FAM135A: variants seen among roughly 807,000 people sequenced by gnomAD.
FAM135A encodes family with sequence similarity 135 member A, also known as protein FAM135A.
Under a neutral mutation model 146.8 loss-of-function variants are expected in FAM135A, and 79 were observed. That is an observed-to-expected ratio of 0.54 (90% confidence interval 0.45 to 0.65). FAM135A has a LOEUF of 0.65. Ranked by LOEUF, FAM135A falls within the 30% of genes least tolerant of loss-of-function variation. The pLI is 0.00. For missense variants in FAM135A, 1,623 were observed against 1,758.2 expected (o/e 0.92, Z 1.38); for synonymous variants, 562 against 603.6 (o/e 0.93, Z 1.01).
chr6:70,453,645 A>G (rs900020457), intron 5 of FAM135A, among the ~76,000 whole-genome samples: 1 of 149,754 alleles, frequency 6.7e-6, no homozygotes, highest in African/African-American at 2.5e-5. Context: ...GTTCCCACCT[A>G]TGAGTGAGAA....
chr6:70,471,340 G>A (rs1781574383), intron 5 of FAM135A, among the ~76,000 whole-genome samples: 2 of 152,166 alleles, frequency 1.3e-5, no homozygotes, highest in African/African-American at 2.4e-5. Flanking sequence ...TAATGAAAAG[G>A]AGTAGGGTTC....
In FAM135A at chr6:70,460,848, CT is replaced by C. The variant is rs780821553; in HGVS notation, c.157+8293del. On this transcript the variant is annotated intron_variant, in intron 5 of 21. Coordinates refer to ENST00000418814, the MANE Select transcript of FAM135A (RefSeq NM_001162529.3). The stretch of plus-strand genomic sequence containing the variant: ...TTTACCTAGATAGATAGATAGCTAT[CT>C]TTTTTTTTTTTTTTTAAGTAGACTC... Among the ~76,000 whole-genome samples the C allele has an allele frequency of 7.3e-3, 979 of 134,682 alleles. 4 individuals are homozygous for C. The highest frequency in any genetic ancestry group is 0.017 in the African/African-American group (602 of 35,098). The allele number at this position is 134,682 out of a possible 152,430, so 88.4% of individuals were successfully genotyped here.
At chr6:70,526,841 G>A (rs1444944842) in intron 15 of FAM135A, 143 bp downstream of exon 15, 12 of 798,464 alleles carry the variant, frequency 1.5e-5, no homozygotes, top group Non-Finnish European at 2.0e-5. Context: ...AAAGGATTGA[G>A]TGTCTATTTT....
chr6:70,457,682 A>G (rs1778628908), intron 5 of FAM135A, among the ~76,000 whole-genome samples: 1 of 152,180 alleles, frequency 6.6e-6, no homozygotes, highest in South Asian at 2.1e-4. Flanking sequence ...CATCAACTAA[A>G]TACTGGTTGG....
intron 4 of FAM135A, among the ~76,000 whole-genome samples, chr6:70,441,532 C>G (rs1038978474): frequency 6.6e-6 from 1 of 152,132 alleles, no homozygotes; most frequent in Non-Finnish European, 1.5e-5. Context: ...GTGTTGCAGA[C>G]TCTTGTACAT....
At chr6:70,428,267 T>G in intron 3 of FAM135A, 37 bp from the exon 4 acceptor site, 1 of 1,014,164 alleles carries the variant, frequency 9.9e-7, no homozygotes, top group Non-Finnish European at 1.4e-6. Flanking sequence ...GCATTTTTGT[T>G]ACGCTTCTCA....
At chr6:70,472,602 G>A (rs1320407810) in intron 5 of FAM135A, among the ~76,000 whole-genome samples, 1 of 152,124 alleles carries the variant, frequency 6.6e-6, no homozygotes, top group African/African-American at 2.4e-5. Context: ...GGTTTTGCTG[G>A]TTGTTCCAGT....
intron 2 of FAM135A, among the ~76,000 whole-genome samples, chr6:70,419,982 G>C (rs190436959): frequency 6.6e-6 from 1 of 151,984 alleles, no homozygotes; most frequent in East Asian, 1.9e-4. Flanking sequence ...TTTTTAATTC[G>C]GTCTGTAGGC....
intron 11 of FAM135A, 120 bp from the exon 12 acceptor site, chr6:70,502,516 G>A: frequency 1.0e-6 from 1 of 965,152 alleles, no homozygotes; most frequent in Non-Finnish European, 1.5e-6. Context: ...ACATACAAAT[G>A]CACATCTCTT....
At chr6:70,497,220 C>T (rs1424125878) in intron 11 of FAM135A, among the ~76,000 whole-genome samples, 1 of 152,126 alleles carries the variant, frequency 6.6e-6, no homozygotes, top group Non-Finnish European at 1.5e-5. Flanking sequence ...CTTCACATCC[C>T]TTGCAATTTG....
intron 15 of FAM135A, among the ~76,000 whole-genome samples, chr6:70,527,184 C>A (rs914082209): frequency 5.3e-5 from 8 of 151,990 alleles, no homozygotes; most frequent in Non-Finnish European, 8.8e-5. Context: ...CTTGAACTTA[C>A]CAGATGCTGA....
rs1196737834 is a variant in FAM135A, at chr6:70,561,113, G to A, written c.*1192G>A. On this transcript the variant is annotated 3_prime_UTR_variant, in exon 22 of 22. Transcript: ENST00000418814. ...TACAATTGATGCATGTTTATTTTTAGCGTTGTTATTGCCTCTGGTGTTAAT... is the reference window on the plus strand; with the variant it reads ...TACAATTGATGCATGTTTATTTTTAACGTTGTTATTGCCTCTGGTGTTAAT... 6.6e-6 allele frequency: 1 copy of A among 152,406 alleles called. No homozygotes were observed. The highest frequency in any genetic ancestry group is 1.5e-5 in the Non-Finnish European group (1 of 67,952). 9.4% of individuals were successfully genotyped at this position (152,406 alleles called of 1,614,324 possible).
intron 4 of FAM135A, among the ~76,000 whole-genome samples, chr6:70,432,303 T>A (rs899251119): frequency 1.3e-5 from 2 of 152,162 alleles, no homozygotes; most frequent in African/African-American, 4.8e-5. Context: ...CTCTTTCTCT[T>A]ATGACTACTT....
chr6:70,542,855 T>G (rs1798192929), intron 20 of FAM135A, among the ~76,000 whole-genome samples: 1 of 152,228 alleles, frequency 6.6e-6, no homozygotes, highest in Non-Finnish European at 1.5e-5. Flanking sequence ...TTGAAACACC[T>G]TAGGGTCATC....
rs1463197437 is a variant in FAM135A, at chr6:70,508,982, A to AG, written c.1029+6191_1029+6192insG. 7.6e-4 allele frequency among the ~76,000 whole-genome samples: 116 copies of AG among 152,208 alleles called. 1 individual carries two copies. The highest frequency in any genetic ancestry group is 7.3e-5 in the Non-Finnish European group (5 of 68,038). ...AAATTTTAAGCTTATTCTTGTGTGG[A>AG]AGCAGGGCCTTTTGGAAACATATGG... On this transcript the variant is annotated intron_variant, in intron 12 of 21. Coordinates refer to ENST00000418814, the MANE Select transcript of FAM135A (RefSeq NM_001162529.3).
chr6:70,454,882 C>T (rs1777971603), intron 5 of FAM135A, among the ~76,000 whole-genome samples: 1 of 152,092 alleles, frequency 6.6e-6, no homozygotes, highest in South Asian at 2.1e-4. Context: ...CAGCTTTGTT[C>T]TTTTTGCTTA....
intron 4 of FAM135A, among the ~76,000 whole-genome samples, chr6:70,450,716 G>GTTTTTTTTTTTTA (rs1776845501): frequency 3.5e-5 from 1 of 28,322 alleles, no homozygotes. Flanking sequence ...CCTTTTAGTT[G>GTTTTTTTTTTTTA]TTTTTTTTTT....
chr6:70,468,647 G>A (rs1780951424), intron 5 of FAM135A, among the ~76,000 whole-genome samples: 1 of 152,142 alleles, frequency 6.6e-6, no homozygotes, highest in Non-Finnish European at 1.5e-5. Context: ...AGCTTGTTAG[G>A]TTGCAAGTTT....
intron 4 of FAM135A, among the ~76,000 whole-genome samples, chr6:70,433,228 C>G (rs1772117017): frequency 6.6e-6 from 1 of 152,036 alleles, no homozygotes; most frequent in African/African-American, 2.4e-5. Flanking sequence ...GCGCCCACTA[C>G]CACACCCAGC....
Sources: allele counts gnomAD v4.1 joint callset (sites outside exome capture counted in the v4.1 genomes callset), GRCh38; gene constraint gnomAD v4.1.1; transcripts MANE v1.5; gene names NCBI Gene and HGNC (gene_info 2026-07-23, HGNC 2026-07-21).